The following HEATR4 variants were observed in gnomAD, a reference collection of about 807,000 sequenced individuals.
HEATR4 encodes the protein HEAT repeat-containing protein 4.
HEATR4 carries 95 observed loss-of-function variants against 108.8 expected under a neutral mutation model. The ratio of observed to expected loss-of-function variants is 0.87; its 90% CI spans 0.74 to 1.04. HEATR4 has a LOEUF of 1.04. Among genes scored for constraint, HEATR4 ranks in the 50% least tolerant of loss-of-function variants. The pLI, the probability that HEATR4 is intolerant of heterozygous loss-of-function variation, is 0.00. For missense variants in HEATR4, 1,152 were observed against 1,253.8 expected (o/e 0.92, Z 1.23); for synonymous variants, 443 against 459.4 (o/e 0.96, Z 0.46).
At chr14:73,518,470 C>A (rs1595127959) in intron 5 of HEATR4, among the ~76,000 whole-genome samples, 2 of 152,152 alleles carry the variant, frequency 1.3e-5, no homozygotes, top group South Asian at 4.2e-4. Flanking sequence ...ACCACTGGGC[C>A]CATCTGAACA....
chr14:73,597,035 C>A, the HEATR4 span, among the ~76,000 whole-genome samples: 2 of 151,972 alleles, frequency 1.3e-5, no homozygotes, highest in East Asian at 3.9e-4. Context: ...AGAAAAACTA[C>A]GCTTATCACA....
the HEATR4 span, among the ~76,000 whole-genome samples, chr14:73,586,974 G>A: frequency 4.6e-5 from 7 of 152,114 alleles, no homozygotes; most frequent in East Asian, 7.7e-4. Flanking sequence ...CAAAGTGCTG[G>A]CAAAACATTT....
chr14:73,490,941 C>G, intron 17 of HEATR4: 1 of 1,279,176 alleles, frequency 7.8e-7, no homozygotes, highest in Non-Finnish European at 9.9e-7. Context: ...CCAGAGTGCA[C>G]CGCAGCCGCT....
chr14:73,590,005 A>G, the HEATR4 span, among the ~76,000 whole-genome samples: 1 of 152,208 alleles, frequency 6.6e-6, no homozygotes, highest in Non-Finnish European at 1.5e-5. Flanking sequence ...AATGAGTGTT[A>G]CAGCTCACAA....
At chr14:73,587,340 C>G in the HEATR4 span, among the ~76,000 whole-genome samples, 1 of 140,554 alleles carries the variant, frequency 7.1e-6, no homozygotes, top group Non-Finnish European at 1.5e-5. Flanking sequence ...CCCCCGCTCC[C>G]CTTTTGGCAA....
At chr14:73,547,563 C>G (rs1458640644) in intron 1 of HEATR4, among the ~76,000 whole-genome samples, 1 of 114,524 alleles carries the variant, frequency 8.7e-6, no homozygotes, top group Non-Finnish European at 1.9e-5. Context: ...CAAGTCCAAT[C>G]GGCATGGTTT....
At chr14:73,509,260 G>A (rs1887049741) in intron 8 of HEATR4, 52 bp downstream of exon 8, 1 of 1,537,012 alleles carries the variant, frequency 6.5e-7, no homozygotes, top group Non-Finnish European at 9.0e-7. Context: ...AAAGCTGATA[G>A]TGAGATGTCT....
intron 11 of HEATR4, among the ~76,000 whole-genome samples, chr14:73,501,204 C>T (rs1271062204): frequency 1.3e-5 from 2 of 151,672 alleles, no homozygotes; most frequent in Non-Finnish European, 2.9e-5. Flanking sequence ...CTGCAAGCGC[C>T]GCCTCCTGGG....
At chr14:73,628,033 T>G in the HEATR4 span, among the ~76,000 whole-genome samples, 1 of 152,140 alleles carries the variant, frequency 6.6e-6, no homozygotes, top group African/African-American at 2.4e-5. Context: ...AGTCTCGAAC[T>G]CCTGACCTCA....
intron 13 of HEATR4, among the ~76,000 whole-genome samples, chr14:73,498,586 T>G (rs942489484): frequency 6.6e-6 from 1 of 152,134 alleles, no homozygotes; most frequent in African/African-American, 2.4e-5. Flanking sequence ...ACAAATAACA[T>G]GGAAGACCTG....
the HEATR4 span, among the ~76,000 whole-genome samples, chr14:73,608,979 T>A: frequency 1.3e-5 from 2 of 152,176 alleles, no homozygotes; most frequent in Admixed American, 1.3e-4. Flanking sequence ...CAGAACAGCA[T>A]GAGACTAACC....
intron 1 of HEATR4, among the ~76,000 whole-genome samples, chr14:73,534,490 C>T (rs1888799799): frequency 8.9e-6 from 1 of 112,780 alleles, no homozygotes; most frequent in African/African-American, 2.9e-5. Context: ...CCCAGGAGTT[C>T]GAGACCAGGC....
rs758543841 is a variant in HEATR4, at chr14:73,523,035, ACTC to A, written c.115_117del (p.Glu39del). ...ATAGGCACACTGGAGACAGAGGCAC[ACTC>A]CTCCTTGCCTTTCAATTTTGAGTAG... On this transcript the variant is annotated inframe_deletion, in exon 3 of 18. Transcript: ENST00000553558. The A allele has an allele frequency of 3.3e-5, 54 of 1,613,850 alleles. 1 individual carries two copies. The Admixed American group carries it at 8.5e-4, about 25-fold the overall frequency.
At chr14:73,614,051 A>AAAAAG in the HEATR4 span, among the ~76,000 whole-genome samples, 1 of 135,278 alleles carries the variant, frequency 7.4e-6, no homozygotes, top group Non-Finnish European at 1.6e-5. Flanking sequence ...AAAAAAAAAA[A>AAAAAG]TTAGGCAGGC....
intron 2 of HEATR4, among the ~76,000 whole-genome samples, chr14:73,528,240 C>A (rs1252954700): frequency 6.6e-6 from 1 of 151,592 alleles, no homozygotes; most frequent in Non-Finnish European, 1.5e-5. Context: ...ACTAAAAATA[C>A]AAAAAATTAG....
the HEATR4 span, among the ~76,000 whole-genome samples, chr14:73,587,434 C>T: frequency 6.6e-6 from 1 of 151,980 alleles, no homozygotes; most frequent in Admixed American, 6.6e-5. Flanking sequence ...TTCACTGCCA[C>T]GTCCGCCTCC....
chr14:73,547,580 G>A (rs2140317911), intron 1 of HEATR4, among the ~76,000 whole-genome samples: 1 of 114,934 alleles, frequency 8.7e-6, no homozygotes, highest in South Asian at 2.8e-4. Flanking sequence ...GTTTTTAAAA[G>A]CATATTTAAA....
At chr14:73,495,099 G>A in intron 16 of HEATR4, 129 bp downstream of exon 16, 1 of 673,218 alleles carries the variant, frequency 1.5e-6, no homozygotes, top group Non-Finnish European at 2.5e-6. Flanking sequence ...TGGTAGCCAA[G>A]AGGGAAGAGA....
rs770092953 is a variant in HEATR4 at position 73,492,538 on chromosome 14, C to T, written c.2844+528G>A. 1 of 1,613,612 alleles carries T rather than the reference C, an allele frequency of 6.2e-7. No individual in the cohort carries two copies. The highest frequency in any genetic ancestry group is 8.5e-7 in the Non-Finnish European group (1 of 1,179,786). ...ACCAGCGAGCCAAAGACTTCATTCA[C>T]GATTCTCTGCCCCCTGTTTTGACTG... On this transcript the variant is annotated intron_variant, in intron 17 of 17. Transcript: ENST00000553558. This position sits in a 1 kb window ranked among gnomAD's most constrained non-coding sequence, Gnocchi z 4.9.
Sources: allele counts gnomAD v4.1 joint callset (sites outside exome capture counted in the v4.1 genomes callset), GRCh38; gene constraint gnomAD v4.1.1; non-coding constraint Gnocchi (gnomAD v3.1); transcripts MANE v1.5; gene names NCBI Gene and HGNC (gene_info 2026-07-23, HGNC 2026-07-21).